The following CDCA7L variants were observed in gnomAD, a reference collection of about 807,000 sequenced individuals.
CDCA7L encodes the protein cell division cycle-associated 7-like protein.
In CDCA7L, 44 loss-of-function variants were observed where a neutral mutation model predicts 57.4. That is an observed-to-expected ratio of 0.77 (90% CI 0.60 to 0.98). The LOEUF is 0.98. Among genes scored for constraint, CDCA7L ranks in the 50% least tolerant of loss-of-function variants. The pLI is 0.00. For synonymous variants in CDCA7L, 236 were observed against 202.8 expected (o/e 1.16, Z -1.39); for missense variants, 644 against 580.6 (o/e 1.11, Z -1.12).
chr7:21,902,607 A>ACATTCTGTCCTC, intron 9 of CDCA7L: 1 of 558,018 alleles, frequency 1.8e-6, no homozygotes, highest in South Asian at 2.2e-5. Flanking sequence ...CTTGTAACTC[A>ACATTCTGTCCTC]CATTCTGTCC....
intron 1 of CDCA7L, among the ~76,000 whole-genome samples, chr7:21,942,781 C>A (rs1337543245): frequency 6.6e-6 from 1 of 152,102 alleles, no homozygotes; most frequent in Non-Finnish European, 1.5e-5. Context: ...ACAGAACAAC[C>A]AAGGAGCGTT....
At position 21,945,845 on chromosome 7, in the gene CDCA7L, A is replaced by T; in HGVS notation, c.-41T>A. The T allele has an allele frequency of 6.3e-7, 1 of 1,588,634 alleles. No individual in the cohort carries two copies. Among genetic ancestry groups the T allele is most frequent in the South Asian group, 1.1e-5 (1 of 87,870 alleles). Reference sequence around the variant, plus strand: ...TCCAGTCTCCTCCCAGCACGCGGCCACGGGAGCCCGGACTCACCACGGCCC... The same window carrying T: ...TCCAGTCTCCTCCCAGCACGCGGCCTCGGGAGCCCGGACTCACCACGGCCC... On this transcript the variant is annotated 5_prime_UTR_variant, in exon 1 of 10. Transcript: ENST00000406877.
In CDCA7L at chr7:21,905,502, T is replaced by G. The variant is rs1785111237; in HGVS notation, c.1047+4A>C. 1.2e-6 allele frequency: 2 copies of G among 1,613,170 alleles called. No individual in the cohort carries two copies. Among genetic ancestry groups the G allele is most frequent in the Non-Finnish European group, 1.7e-6 (2 of 1,179,718 alleles). ...ATAAGAATGACAATTAATGTATACTTTACCAGAACTTTATCATAGATTTTA... is the reference window on the plus strand; with the variant it reads ...ATAAGAATGACAATTAATGTATACTGTACCAGAACTTTATCATAGATTTTA... On this transcript the variant is annotated splice_donor_region_variant and intron_variant, in intron 7 of 9. Transcript: ENST00000406877.
At chr7:21,909,088 G>A (rs1393266132) in intron 3 of CDCA7L, among the ~76,000 whole-genome samples, 1 of 152,142 alleles carries the variant, frequency 6.6e-6, no homozygotes, top group Non-Finnish European at 1.5e-5. Context: ...GTGAAACCAG[G>A]TCACAAAGCT....
chr7:21,902,622 G>A (rs1033528605), intron 9 of CDCA7L: 28 of 536,964 alleles, frequency 5.2e-5, no homozygotes, highest in African/African-American at 1.3e-4. Flanking sequence ...CTGTCCTCTT[G>A]CCCTGAACTC....
chr7:21,911,549 A>C, intron 3 of CDCA7L, 68 bp downstream of exon 3: 1 of 1,522,934 alleles, frequency 6.6e-7, no homozygotes, highest in Non-Finnish European at 8.8e-7. Flanking sequence ...ACTGCTTACA[A>C]GTAAAACTCT....
intron 1 of CDCA7L, among the ~76,000 whole-genome samples, chr7:21,936,428 T>C (rs1422869300): frequency 6.6e-6 from 1 of 152,058 alleles, no homozygotes; most frequent in Non-Finnish European, 1.5e-5. Context: ...CTCAACAAAA[T>C]GCAGGTAAAA....
rs1441436303 is a variant in CDCA7L at position 21,901,498 on chromosome 7, GGCAAAGGTTGCAGTGA to G, written c.*808_*823del. The G allele has an allele frequency of 1.1e-5, 4 of 379,714 alleles. No homozygotes were observed. The highest frequency in any genetic ancestry group is 1.3e-5 in the Non-Finnish European group (3 of 235,802). The allele number at this position is 379,714 out of a possible 1,614,324, so 23.5% of individuals were successfully genotyped here. On this transcript the variant is annotated 3_prime_UTR_variant, in exon 10 of 10. Transcript: ENST00000406877. Reference sequence around the variant, plus strand: ...GTAGGAGAATCACTTGAACCTAGGAGGCAAAGGTTGCAGTGAGCCGAGGTTGCACCACTGCACTCCC... The same window carrying G: ...GTAGGAGAATCACTTGAACCTAGGAGGCCGAGGTTGCACCACTGCACTCCC...
intron 9 of CDCA7L, chr7:21,902,647 G>A (rs1784961867): frequency 2.0e-6 from 1 of 510,546 alleles, no homozygotes; most frequent in Non-Finnish European, 3.5e-6. Flanking sequence ...TCTGCACTAG[G>A]ATTATGGCTG....
At chr7:21,923,869 T>C (rs145254063) in intron 1 of CDCA7L, among the ~76,000 whole-genome samples, 1 of 152,354 alleles carries the variant, frequency 6.6e-6, no homozygotes, top group African/African-American at 2.4e-5. Flanking sequence ...TGCTGGCTTC[T>C]CGTTGAGTAG....
At chr7:21,904,640 T>C (rs952279300) in intron 7 of CDCA7L, among the ~76,000 whole-genome samples, 1 of 152,198 alleles carries the variant, frequency 6.6e-6, no homozygotes, top group Non-Finnish European at 1.5e-5. Context: ...TAATGCCCGA[T>C]GATCTGAGGT....
At chr7:21,930,801 G>A (rs1449621547) in intron 1 of CDCA7L, among the ~76,000 whole-genome samples, 1 of 151,392 alleles carries the variant, frequency 6.6e-6, no homozygotes, top group African/African-American at 2.4e-5. Context: ...CAGAACTGAA[G>A]GAGACAGGGA....
At position 21,908,432 on chromosome 7, in the gene CDCA7L, T is replaced by C; in HGVS notation, c.379A>G (p.Lys127Glu). 1 of 1,579,372 alleles carries C rather than the reference T, an allele frequency of 6.3e-7. No individual in the cohort carries two copies. The highest frequency in any genetic ancestry group is 1.2e-5 in the South Asian group (1 of 85,246). ...SEEEEDEEED[K>E]ATPRRSRSRR... ...GACCTGCTTCTTCTAGGGGTAGCCT[T>C]ATCTTCTTCTTCATCTTCCTCTTCC... Residue 127 changes from lysine to glutamate, a missense_variant, in exon 4 of 10, where the codon AAG becomes GAG. Physicochemically the swap from Lys to Glu is moderately conservative, Grantham distance 56. Coordinates refer to ENST00000406877, the MANE Select transcript of CDCA7L (RefSeq NM_018719.5).
rs766784022 is a variant in CDCA7L, at chr7:21,906,653, C to T, written c.682-14G>A. The T allele has an allele frequency of 6.2e-7, 1 of 1,613,374 alleles. No individual in the cohort carries two copies. The highest frequency in any genetic ancestry group is 1.1e-5 in the South Asian group (1 of 91,042). ...TAACTGGGCAAGCTGAAGTTCAGAACAAAAGAAAGAATCTTACAAAAATAG... is the reference window on the plus strand; with the variant it reads ...TAACTGGGCAAGCTGAAGTTCAGAATAAAAGAAAGAATCTTACAAAAATAG... On this transcript the variant is annotated splice_polypyrimidine_tract_variant and intron_variant, in intron 4 of 9. Coordinates refer to ENST00000406877, the MANE Select transcript of CDCA7L (RefSeq NM_018719.5).
chr7:21,931,504 T>A (rs1244592628), intron 1 of CDCA7L, among the ~76,000 whole-genome samples: 2 of 152,132 alleles, frequency 1.3e-5, no homozygotes, highest in African/African-American at 4.8e-5. Context: ...ATCCATCACA[T>A]AAACAGAACC....
Position 21,916,817 on chromosome 7 carries a change from G to A in CDCA7L, c.102C>T (p.Pro34=), listed in dbSNP as rs369875135. Residue 34 remains proline (P), a synonymous_variant, in exon 2 of 10, where the codon CCC becomes CCT. Transcript: ENST00000406877. ...EEFVGFRDDV[P]METLSSEESC... ...TCTCCTCTGACGAGAGGGTTTCCAT[G>A]GGAACATCATCTCGGAAGCCAACAA... 3.7e-6 allele frequency: 6 copies of A among 1,613,940 alleles called. No homozygotes were observed. In the South Asian group the frequency reaches 4.4e-5, roughly 12 times the overall value.
chr7:21,903,065 C>CGACA lies in CDCA7L; in HGVS notation c.1243_1246dup (p.Arg416LeufsTer5), dbSNP rs1562618593. The stretch of plus-strand genomic sequence containing the variant: ...TGTGGCACAGCGGCCGTCACGCTTC[C>CGACA]GACAGTAGCTGCAATTGCAGATCCC... On this transcript the variant is annotated frameshift_variant, in exon 9 of 10. Transcript: ENST00000406877. LOFTEE classifies it high-confidence loss of function. The CGACA allele has an allele frequency of 1.9e-6, 3 of 1,613,982 alleles. No homozygotes were observed. Among genetic ancestry groups the CGACA allele is most frequent in the Admixed American group, 3.3e-5 (2 of 60,014 alleles).
chr7:21,928,338 A>C (rs924711397), intron 1 of CDCA7L, among the ~76,000 whole-genome samples: 3 of 152,288 alleles, frequency 2.0e-5, no homozygotes, highest in Non-Finnish European at 4.4e-5. Flanking sequence ...TAAATCCACG[A>C]AGATGAGGAA....
rs1784938190 is a variant in CDCA7L, at chr7:21,902,363, G to C, written c.1335-11C>G. On this transcript the variant is annotated splice_polypyrimidine_tract_variant and intron_variant, in intron 9 of 9. Transcript: ENST00000406877. The stretch of plus-strand genomic sequence containing the variant: ...AGCTCCTTTTGTAAGCTGGGAAAAA[G>C]ATGAGAAGTATTTGGTAAAGTAGTA... 6.2e-7 allele frequency: 1 copy of C among 1,612,576 alleles called. No homozygotes were observed. The highest frequency in any genetic ancestry group is 8.5e-7 in the Non-Finnish European group (1 of 1,179,538).
Sources: allele counts gnomAD v4.1 joint callset (sites outside exome capture counted in the v4.1 genomes callset), GRCh38; gene constraint gnomAD v4.1.1; transcripts MANE v1.5; gene names NCBI Gene and HGNC (gene_info 2026-07-23, HGNC 2026-07-21).